The following PLEKHA5 variants were observed in gnomAD, a reference collection of about 807,000 sequenced individuals.
PLEKHA5 encodes the protein pleckstrin homology domain containing A5.
A neutral mutation model predicts 181.9 loss-of-function variants in PLEKHA5; 55 were observed. The ratio of observed to expected loss-of-function variants is 0.30; its 90% CI spans 0.24 to 0.38. PLEKHA5 has a LOEUF of 0.38. Among genes scored for constraint, PLEKHA5 ranks in the 10% least tolerant of loss-of-function variants. The pLI is 1.00. For synonymous variants in PLEKHA5, 535 were observed against 529.4 expected (o/e 1.01, Z -0.15); for missense variants, 1,432 against 1,549.5 (o/e 0.92, Z 1.27).
At chr12:19,167,174 G>A (rs999938956) in intron 3 of PLEKHA5, among the ~76,000 whole-genome samples, 22 of 152,060 alleles carry the variant, frequency 1.4e-4, no homozygotes, top group African/African-American at 5.3e-4. Context: ...AGTAACCTTG[G>A]AGCAGTAATC....
intron 16 of PLEKHA5, among the ~76,000 whole-genome samples, chr12:19,318,025 T>G (rs1024982997): frequency 2.0e-5 from 3 of 151,600 alleles, no homozygotes; most frequent in Non-Finnish European, 4.4e-5. Context: ...GAAATTTACT[T>G]TTCTTTTTTT....
At chr12:19,373,925 T>C (rs1024702242) in intron 31 of PLEKHA5, among the ~76,000 whole-genome samples, 5 of 132,886 alleles carry the variant, frequency 3.8e-5, no homozygotes, top group Non-Finnish European at 8.6e-5. Flanking sequence ...TAAATTGTTA[T>C]AGGATTTTAT....
At chr12:19,199,981 G>A (rs1387112284) in intron 3 of PLEKHA5, among the ~76,000 whole-genome samples, 1 of 152,094 alleles carries the variant, frequency 6.6e-6, no homozygotes, top group Non-Finnish European at 1.5e-5. Flanking sequence ...TGACAGTATA[G>A]GGGGAAGGGG....
chr12:19,253,977 A>G lies in PLEKHA5; in HGVS notation c.265A>G (p.Thr89Ala). 6.2e-7 allele frequency: 1 copy of G among 1,609,154 alleles called. No homozygotes were observed. The highest frequency in any genetic ancestry group is 8.5e-7 in the Non-Finnish European group (1 of 1,177,366). Residue 89 changes from threonine to alanine, a missense_variant, in exon 4 of 32, where the codon ACA (threonine) becomes GCA (alanine). Transcript: ENST00000429027. ...GAAAGTGACCTGCAAACATCCAGTC[A>G]CAGGACAACCATCACAGGACAATTG... is the stretch of plus-strand genomic sequence containing the variant. ...ERKVTCKHPV[T>A]GQPSQDNCIF...
intron 27 of PLEKHA5, 31 bp downstream of exon 27, chr12:19,358,468 T>G (rs1208300635): frequency 6.9e-7 from 1 of 1,454,248 alleles, no homozygotes; most frequent in East Asian, 2.3e-5. Context: ...TATTATTTTG[T>G]GTAAATCTAG....
chr12:19,226,269 A>C (rs1336550342), intron 3 of PLEKHA5, among the ~76,000 whole-genome samples: 2 of 152,176 alleles, frequency 1.3e-5, no homozygotes, highest in Non-Finnish European at 2.9e-5. Context: ...GTATCAGTAC[A>C]TCATTCCTTT....
At chr12:19,178,457 G>A (rs980782845) in intron 3 of PLEKHA5, among the ~76,000 whole-genome samples, 14 of 152,326 alleles carry the variant, frequency 9.2e-5, no homozygotes, top group Admixed American at 5.2e-4. Context: ...GCAGCTACAC[G>A]AAGTGGAGCG....
At chr12:19,366,510 C>T (rs764471644) in intron 30 of PLEKHA5, among the ~76,000 whole-genome samples, 4 of 151,968 alleles carry the variant, frequency 2.6e-5, no homozygotes, top group Admixed American at 1.3e-4. Context: ...AAAAATTAGC[C>T]GGGCATGGTG....
At position 19,210,509 on chromosome 12, in the gene PLEKHA5, T is replaced by C. The variant is rs1052226451; in HGVS notation, c.228-43431T>C. Among the ~76,000 whole-genome samples the C allele has an allele frequency of 4.6e-5, 7 of 152,332 alleles. No individual in the cohort carries two copies. In the South Asian group the frequency reaches 1.5e-3, roughly 32 times the overall value. The stretch of plus-strand genomic sequence containing the variant: ...TTCTTCTTGATGTCTGGTGTACAGC[T>C]TGTCTGCTGTCTAGCACACATCTTT... On this transcript the variant is annotated intron_variant, in intron 3 of 31. Coordinates refer to ENST00000429027, the MANE Select transcript of PLEKHA5 (RefSeq NM_001256470.2).
intron 16 of PLEKHA5, 60 bp from the exon 17 acceptor site, chr12:19,319,961 G>A (rs1298877011): frequency 1.7e-6 from 2 of 1,148,022 alleles, no homozygotes; most frequent in Non-Finnish European, 2.4e-6. Context: ...AGTTTTATAA[G>A]ATTTCGAATG....
intron 18 of PLEKHA5, 100 bp downstream of exon 18, chr12:19,320,724 T>C: frequency 1.8e-6 from 1 of 569,706 alleles, no homozygotes; most frequent in Admixed American, 2.8e-5. Flanking sequence ...TCCCAAGTCC[T>C]CCAAAGTGAC....
intron 6 of PLEKHA5, among the ~76,000 whole-genome samples, chr12:19,259,770 A>C (rs1223839609): frequency 2.0e-5 from 3 of 146,598 alleles, no homozygotes; most frequent in Non-Finnish European, 3.0e-5. Context: ...AAAATTGAAG[A>C]TATCATTTGC....
intron 7 of PLEKHA5, among the ~76,000 whole-genome samples, chr12:19,264,752 A>G (rs2069733021): frequency 6.6e-6 from 1 of 151,072 alleles, no homozygotes; most frequent in Non-Finnish European, 1.5e-5. Flanking sequence ...CGAAATAAAT[A>G]AAATCCCATG....
chr12:19,130,241 G>C lies in PLEKHA5; in HGVS notation c.169+111G>C. 1.9e-6 allele frequency: 1 copy of C among 526,668 alleles called. No individual in the cohort carries two copies. Among genetic ancestry groups the C allele is most frequent in the Non-Finnish European group, 2.9e-6 (1 of 350,136 alleles). 32.6% of individuals were successfully genotyped at this position (526,668 alleles called of 1,614,324 possible). A position where few individuals can be genotyped will look rare whatever the true frequency, so the allele number is the denominator to read the frequency against. ...GCCGCGGGCCCCGGGAGGCGGCGAGGCGGGGCGGAGGCCGGGCGGGAGCGG... is the reference window on the plus strand; with the variant it reads ...GCCGCGGGCCCCGGGAGGCGGCGAGCCGGGGCGGAGGCCGGGCGGGAGCGG... On this transcript the variant is annotated intron_variant, in intron 2 of 31. Transcript: ENST00000429027. The surrounding 1 kb of genome is among the most constrained non-coding windows in gnomAD (Gnocchi z 4.5).
chr12:19,190,558 T>C (rs1271698822), intron 3 of PLEKHA5, among the ~76,000 whole-genome samples: 3 of 152,366 alleles, frequency 2.0e-5, no homozygotes, highest in Non-Finnish European at 1.5e-5. Flanking sequence ...AATATAGTTA[T>C]TGCTTGGACA....
At chr12:19,364,128 G>A (rs1395905641) in intron 29 of PLEKHA5, among the ~76,000 whole-genome samples, 1 of 152,158 alleles carries the variant, frequency 6.6e-6, no homozygotes, top group Non-Finnish European at 1.5e-5. Flanking sequence ...AAAGGATCAA[G>A]TATTTATCAT....
intron 26 of PLEKHA5, 109 bp from the exon 27 acceptor site, chr12:19,358,119 T>C: frequency 1.3e-6 from 1 of 743,356 alleles, no homozygotes; most frequent in Non-Finnish European, 2.2e-6. Context: ...AACCTCTTCT[T>C]GTGATTTTGA....
chr12:19,303,184 A>AGTGCTGGAATTACAGGC (rs201601734), intron 15 of PLEKHA5, among the ~76,000 whole-genome samples: 9,344 of 151,916 alleles, frequency 0.062, 475 homozygotes, highest in East Asian at 0.18. Context: ...AGCCTCCCAG[A>AGTGCTGGAATTACAGGC]GTGAGTCACC....
chr12:19,236,034 A>G (rs1228570551), intron 3 of PLEKHA5, among the ~76,000 whole-genome samples: 1 of 152,212 alleles, frequency 6.6e-6, no homozygotes. Flanking sequence ...ATATCTGAGC[A>G]GTCATCACAA....
Sources: gnomAD v4.1 joint callset for allele counts (sites outside exome capture counted in the v4.1 genomes callset) on GRCh38, gnomAD v4.1.1 for gene constraint, Gnocchi (gnomAD v3.1) non-coding constraint, MANE v1.5 for transcripts, NCBI Gene and HGNC (gene_info 2026-07-23, HGNC 2026-07-21) for gene names.